Variants in RAB3GAP2 observed in about 807,000 individuals in gnomAD.
RAB3GAP2 encodes RAB3 GTPase activating non-catalytic protein subunit 2.
A neutral mutation model predicts 185.3 loss-of-function variants in RAB3GAP2; 87 were observed. That is an observed-to-expected ratio of 0.47 (90% CI 0.39 to 0.56). The LOEUF (loss-of-function observed/expected upper bound fraction) is 0.56. Ranked by LOEUF, RAB3GAP2 falls within the 20% of genes least tolerant of loss-of-function variation. RAB3GAP2 has a pLI of 0.00. For synonymous variants in RAB3GAP2, 554 were observed against 576.1 expected (o/e 0.96, Z 0.55); for missense variants, 1,492 against 1,638.2 (o/e 0.91, Z 1.54).
chr1:220,242,206 A>G (rs1041468536), intron 1 of RAB3GAP2, among the ~76,000 whole-genome samples: 7 of 152,194 alleles, frequency 4.6e-5, no homozygotes, highest in African/African-American at 1.7e-4. Context: ...AGTAAAGAAA[A>G]AATTGTAGAT....
At chr1:220,200,543 TCA>T (rs1162721214) in intron 9 of RAB3GAP2, 1 of 526,130 alleles carries the variant, frequency 1.9e-6, no homozygotes, top group African/African-American at 1.9e-5. Flanking sequence ...GTACCTTTTT[TCA>T]TTTTGTAGGC....
Position 220,185,757 on chromosome 1 carries a change from TG to T in RAB3GAP2, c.1780-17del, listed in dbSNP as rs1242259651. The T allele has an allele frequency of 6.3e-7, 1 of 1,582,640 alleles. No individual in the cohort carries two copies. Among genetic ancestry groups the T allele is most frequent in the Non-Finnish European group, 8.7e-7 (1 of 1,152,166 alleles). ...TTTCCAAAGCCTAGGAGAAAGATAT[TG>T]AACAGTTCTAGTAATTATAAGGCAG... is the stretch of plus-strand genomic sequence containing the variant. On this transcript the variant is annotated splice_polypyrimidine_tract_variant and intron_variant, in intron 17 of 34. Transcript: ENST00000358951.
intron 17 of RAB3GAP2, among the ~76,000 whole-genome samples, chr1:220,187,617 C>T (rs1658529532): frequency 6.6e-6 from 1 of 151,980 alleles, no homozygotes; most frequent in Admixed American, 6.6e-5. Flanking sequence ...AATGAAGCTT[C>T]CATCAACACC....
intron 7 of RAB3GAP2, among the ~76,000 whole-genome samples, chr1:220,206,300 C>A (rs545011921): frequency 6.6e-6 from 1 of 152,178 alleles, no homozygotes; most frequent in Non-Finnish European, 1.5e-5. Flanking sequence ...TGCACAGATA[C>A]AAACAGTATG....
rs556892283 is a variant in RAB3GAP2 at position 220,272,399 on chromosome 1, C to A, written c.-62G>T. ...TCACCACGCCCTGCCCCCTCCACCCCACTGCGGCCGCCACCGAGCCCCAAT... is the reference window on the plus strand; with the variant it reads ...TCACCACGCCCTGCCCCCTCCACCCAACTGCGGCCGCCACCGAGCCCCAAT... On this transcript the variant is annotated 5_prime_UTR_variant, in exon 1 of 35. Coordinates refer to ENST00000358951, the MANE Select transcript of RAB3GAP2 (RefSeq NM_012414.4). 29 of 1,238,294 alleles carry A rather than the reference C, an allele frequency of 2.3e-5. No individual in the cohort carries two copies. In the African/African-American group the frequency reaches 3.6e-4, roughly 15 times the overall value. The allele number at this position is 1,238,294 out of a possible 1,614,324, so 76.7% of individuals were successfully genotyped here. A position where few individuals can be genotyped will look rare whatever the true frequency, so the allele number is the denominator to read the frequency against.
intron 26 of RAB3GAP2, among the ~76,000 whole-genome samples, chr1:220,166,823 A>C (rs1310088804): frequency 6.6e-6 from 1 of 152,222 alleles, no homozygotes; most frequent in Non-Finnish European, 1.5e-5. Flanking sequence ...ATCAGACACT[A>C]GGTTGATCTC....
At chr1:220,154,701 A>G (rs1016078751) in intron 31 of RAB3GAP2, among the ~76,000 whole-genome samples, 2 of 150,800 alleles carry the variant, frequency 1.3e-5, no homozygotes, top group Non-Finnish European at 2.9e-5. Flanking sequence ...GCTAAGTAAT[A>G]CATATATGTA....
intron 1 of RAB3GAP2, chr1:220,254,170 A>C (rs1220538118): frequency 6.2e-7 from 1 of 1,613,706 alleles, no homozygotes; most frequent in Non-Finnish European, 8.5e-7. Context: ...TGCAAATTAC[A>C]AGAAATCTCG....
At chr1:220,166,459 T>G (rs1658069619) in intron 26 of RAB3GAP2, among the ~76,000 whole-genome samples, 1 of 152,186 alleles carries the variant, frequency 6.6e-6, no homozygotes, top group Non-Finnish European at 1.5e-5. Context: ...TACAATATGT[T>G]TTTATATCTT....
At chr1:220,204,588 AT>A (rs149901247) in intron 8 of RAB3GAP2, among the ~76,000 whole-genome samples, 156 of 151,656 alleles carry the variant, frequency 1.0e-3, no homozygotes, top group African/African-American at 3.4e-3. Flanking sequence ...ATTTTCACTG[AT>A]TTTTTTTTAT....
chr1:220,173,281 CTT>C (rs1329623879), intron 21 of RAB3GAP2, among the ~76,000 whole-genome samples: 1 of 152,144 alleles, frequency 6.6e-6, no homozygotes, highest in African/African-American at 2.4e-5. Context: ...ACATAAGTGA[CTT>C]TTAAAATGGC....
At position 220,191,100 on chromosome 1, in the gene RAB3GAP2, T is replaced by C. The variant is rs1255071275; in HGVS notation, c.1455A>G (p.Arg485=). The change falls in exon 14 of 35, where the codon AGA becomes AGG. Residue 485 remains arginine, a synonymous_variant. Transcript: ENST00000358951. ...GCTTCCCCACATTGAAAGCTCCTAC[T>C]CTAGGTCCCTGCTGTGTGCTCCACA... is the stretch of plus-strand genomic sequence containing the variant. ...LEVWSTQQGP[R]VGAFNVGKHC... is the part of the protein sequence containing the mutation. 5.0e-6 allele frequency: 8 copies of C among 1,613,982 alleles called. No homozygotes were observed. Among genetic ancestry groups the C allele is most frequent in the Non-Finnish European group, 6.8e-6 (8 of 1,179,958 alleles).
intron 9 of RAB3GAP2, among the ~76,000 whole-genome samples, chr1:220,199,034 G>A (rs1461637278): frequency 6.6e-6 from 1 of 152,120 alleles, no homozygotes; most frequent in Non-Finnish European, 1.5e-5. Flanking sequence ...GAACACAAAG[G>A]AGATCTACAT....
intron 1 of RAB3GAP2, among the ~76,000 whole-genome samples, chr1:220,264,438 C>T (rs1002488155): frequency 6.6e-6 from 1 of 151,916 alleles, no homozygotes; most frequent in Non-Finnish European, 1.5e-5. Flanking sequence ...AATAAGACTA[C>T]AAACGTGTCA....
intron 32 of RAB3GAP2, 84 bp downstream of exon 32, chr1:220,153,884 C>A: frequency 1.9e-6 from 3 of 1,579,820 alleles, no homozygotes; most frequent in Non-Finnish European, 8.6e-7. Flanking sequence ...AGAAAGTAGT[C>A]ATTCTTTTCA....
intron 1 of RAB3GAP2, among the ~76,000 whole-genome samples, chr1:220,259,727 C>G (rs574862785): frequency 1.3e-5 from 2 of 152,094 alleles, no homozygotes; most frequent in African/African-American, 4.8e-5. Flanking sequence ...GCAACAAAAG[C>G]AAAAATTGAC....
chr1:220,186,865 G>C (rs142105509), intron 17 of RAB3GAP2, among the ~76,000 whole-genome samples: 1 of 152,270 alleles, frequency 6.6e-6, no homozygotes, highest in African/African-American at 2.4e-5. Flanking sequence ...AAAATGAGAA[G>C]AACCGTGTGG....
chr1:220,249,786 T>C (rs964375130), intron 1 of RAB3GAP2, among the ~76,000 whole-genome samples: 2 of 152,150 alleles, frequency 1.3e-5, no homozygotes, highest in African/African-American at 4.8e-5. Context: ...GGGGTCAACA[T>C]ATAGCTTAGG....
intron 26 of RAB3GAP2, among the ~76,000 whole-genome samples, chr1:220,166,723 T>C (rs1658075407): frequency 6.6e-6 from 1 of 152,314 alleles, no homozygotes; most frequent in Non-Finnish European, 1.5e-5. Context: ...GCAGCAAGGC[T>C]AACCTTGGAC....
Sources: allele counts gnomAD v4.1 joint callset (sites outside exome capture counted in the v4.1 genomes callset), GRCh38; gene constraint gnomAD v4.1.1; transcripts MANE v1.5; gene names NCBI Gene and HGNC (gene_info 2026-07-23, HGNC 2026-07-21).